Variants in PPFIBP1 observed in about 807,000 individuals in gnomAD.
PPFIBP1 encodes the protein liprin-beta-1.
In PPFIBP1, 112 loss-of-function variants were observed where a neutral mutation model predicts 137.8. The observed-to-expected ratio is 0.81, with a 90% confidence interval of 0.70 to 0.95. PPFIBP1 has a LOEUF of 0.95. PPFIBP1 is among the 40% of genes least tolerant of loss of function. The pLI is 0.00. For synonymous variants in PPFIBP1, 378 were observed against 417.3 expected (o/e 0.91, Z 1.15); for missense variants, 1,083 against 1,196.6 (o/e 0.91, Z 1.40).
intron 1 of PPFIBP1, among the ~76,000 whole-genome samples, chr12:27,542,783 C>A (rs539182214): frequency 1.3e-5 from 2 of 152,044 alleles, no homozygotes; most frequent in Non-Finnish European, 2.9e-5. Context: ...TAGAGAATTG[C>A]GTGATGACTC....
intron 1 of PPFIBP1, among the ~76,000 whole-genome samples, chr12:27,556,854 T>C (rs1244938388): frequency 3.9e-5 from 6 of 152,084 alleles, no homozygotes; most frequent in Admixed American, 2.6e-4. Context: ...CCTGTACTTT[T>C]AAGGGGAGTG....
At chr12:27,678,625 C>T (rs369785427) in intron 19 of PPFIBP1, among the ~76,000 whole-genome samples, 16 of 151,828 alleles carry the variant, frequency 1.1e-4, no homozygotes, top group African/African-American at 3.1e-4. Context: ...TTTGGGAGGC[C>T]GAGGTGGGTG....
chr12:27,527,218 AAGAAG>A lies in PPFIBP1; in HGVS notation c.-124+2855_-124+2859del, dbSNP rs1474135451. Among the ~76,000 whole-genome samples the A allele has an allele frequency of 2.6e-5, 4 of 152,178 alleles. No individual in the cohort carries two copies. The East Asian group carries it at 7.7e-4, about 29-fold the overall frequency. ...GCATAATTTTCAAACTGTTAACTGAAAGAAGACCTCATTCAGCACTCTGTCTTTTC... is the reference window on the plus strand; with the variant it reads ...GCATAATTTTCAAACTGTTAACTGAAACCTCATTCAGCACTCTGTCTTTTC... On this transcript the variant is annotated intron_variant, in intron 1 of 29. Transcript: ENST00000228425.
chr12:27,555,516 T>A (rs1555190996), intron 1 of PPFIBP1, among the ~76,000 whole-genome samples: 1 of 151,912 alleles, frequency 6.6e-6, no homozygotes, highest in Admixed American at 6.6e-5. Flanking sequence ...TTTTTCCCCC[T>A]GATATGAAAG....
Position 27,688,431 on chromosome 12 carries a change from T to A in PPFIBP1, c.2496+8T>A, listed in dbSNP as rs2061325004. 6.2e-7 allele frequency: 1 copy of A among 1,611,146 alleles called. No homozygotes were observed. On this transcript the variant is annotated splice_region_variant and intron_variant, in intron 26 of 29. Coordinates refer to ENST00000228425, the MANE Select transcript of PPFIBP1 (RefSeq NM_003622.4). ...GTCCATGGTGGGCTCATGGTAAAGC[T>A]CTGATTTAATTTAAAATTGACTTAC...
chr12:27,685,100 A>G (rs1233754023), intron 24 of PPFIBP1, among the ~76,000 whole-genome samples: 1 of 151,968 alleles, frequency 6.6e-6, no homozygotes, highest in African/African-American at 2.4e-5. Context: ...GCCATTTCAC[A>G]TACGCTGCTT....
chr12:27,601,442 G>T (rs913306595), intron 2 of PPFIBP1, among the ~76,000 whole-genome samples: 4 of 152,188 alleles, frequency 2.6e-5, no homozygotes, highest in Non-Finnish European at 5.9e-5. Context: ...TTAAAGTGGG[G>T]GGCAGGTGGT....
intron 1 of PPFIBP1, among the ~76,000 whole-genome samples, chr12:27,531,542 A>G (rs1944431812): frequency 6.6e-6 from 1 of 151,614 alleles, no homozygotes; most frequent in Non-Finnish European, 1.5e-5. Context: ...ATCTCAGATG[A>G]TCTGCTGGCC....
intron 12 of PPFIBP1, among the ~76,000 whole-genome samples, chr12:27,666,266 C>T (rs1269042034): frequency 6.6e-6 from 1 of 152,192 alleles, no homozygotes; most frequent in African/African-American, 2.4e-5. Flanking sequence ...TTCTTAAACC[C>T]TTGAAAACTA....
At chr12:27,670,657 A>G (rs1045211677) in intron 13 of PPFIBP1, among the ~76,000 whole-genome samples, 2 of 152,066 alleles carry the variant, frequency 1.3e-5, no homozygotes, top group Admixed American at 6.6e-5. Flanking sequence ...GCACGCCTGT[A>G]GTCCCAACTA....
intron 1 of PPFIBP1, among the ~76,000 whole-genome samples, chr12:27,554,878 C>T (rs1395933330): frequency 6.6e-6 from 1 of 151,680 alleles, no homozygotes; most frequent in Non-Finnish European, 1.5e-5. Context: ...AAATTGTGTC[C>T]CCTTCGGAGT....
At chr12:27,544,962 T>C (rs966052224) in intron 1 of PPFIBP1, among the ~76,000 whole-genome samples, 16 of 152,142 alleles carry the variant, frequency 1.1e-4, no homozygotes, top group African/African-American at 3.9e-4. Flanking sequence ...CTATTCACAA[T>C]AGCAAAGACT....
intron 7 of PPFIBP1, 130 bp downstream of exon 7, chr12:27,650,271 G>A (rs529600040): frequency 3.9e-5 from 24 of 611,660 alleles, no homozygotes; most frequent in African/African-American, 2.8e-4. Context: ...TAATTACTAC[G>A]TACCATCATC....
chr12:27,606,642 A>G (rs2137966363), intron 2 of PPFIBP1, among the ~76,000 whole-genome samples: 1 of 152,358 alleles, frequency 6.6e-6, no homozygotes, highest in East Asian at 1.9e-4. Flanking sequence ...AACAGATAAA[A>G]TTTGTTAGGG....
chr12:27,632,087 A>G (rs2057309526), intron 2 of PPFIBP1, among the ~76,000 whole-genome samples: 1 of 152,192 alleles, frequency 6.6e-6, no homozygotes, highest in African/African-American at 2.4e-5. Context: ...GTATTTCCAG[A>G]TAAATGGTAG....
chr12:27,630,878 GT>G (rs2057214834), intron 2 of PPFIBP1, among the ~76,000 whole-genome samples: 1 of 151,402 alleles, frequency 6.6e-6, no homozygotes, highest in Admixed American at 6.6e-5. Flanking sequence ...ATATGCTTCA[GT>G]TTAAGTCTAC....
At chr12:27,653,255 A>G (rs1478637467) in intron 7 of PPFIBP1, among the ~76,000 whole-genome samples, 1 of 152,146 alleles carries the variant, frequency 6.6e-6, no homozygotes, top group Admixed American at 6.6e-5. Context: ...GTAGTCTATG[A>G]ATTTGTGATG....
intron 8 of PPFIBP1, 56 bp downstream of exon 8, chr12:27,654,870 T>A: frequency 6.5e-7 from 1 of 1,545,448 alleles, no homozygotes. Context: ...TATTCATCTA[T>A]GCCCAATAAT....
intron 12 of PPFIBP1, among the ~76,000 whole-genome samples, chr12:27,664,908 T>A (rs1253276272): frequency 6.6e-6 from 1 of 152,014 alleles, no homozygotes; most frequent in African/African-American, 2.4e-5. Context: ...TCAGCAGTGG[T>A]CAGGCGTGGT....
Sources: allele counts gnomAD v4.1 joint callset (sites outside exome capture counted in the v4.1 genomes callset), GRCh38; gene constraint gnomAD v4.1.1; transcripts MANE v1.5; gene names NCBI Gene and HGNC (gene_info 2026-07-23, HGNC 2026-07-21).